STS: variants seen among roughly 807,000 people sequenced by gnomAD.
The protein encoded by STS is steryl-sulfatase.
Under a neutral mutation model 26.8 loss-of-function variants are expected in STS, and 7 were observed. That is an observed-to-expected ratio of 0.26 (90% CI 0.15 to 0.49). The LOEUF (loss-of-function observed/expected upper bound fraction) is 0.49, where lower values mean the gene tolerates loss of function less well. Ranked by LOEUF, STS falls within the 20% of genes least tolerant of loss-of-function variation. STS has a pLI of 0.98. For missense variants in STS, 434 were observed against 465.6 expected (o/e 0.93, Z 0.63); for synonymous variants, 199 against 189.4 (o/e 1.05, Z -0.42).
chrX:7,196,990 C>T (rs950529452), intron 2 of STS, among the ~76,000 whole-genome samples: 11 of 110,923 alleles, frequency 9.9e-5, no homozygotes, highest in African/African-American at 3.6e-4. Flanking sequence ...CCATTGTCTG[C>T]CTCCTACCTT....
intron 7 of STS, 105 bp from the exon 8 acceptor site, chrX:7,304,941 G>A (rs746173177): frequency 2.8e-5 from 27 of 978,627 alleles, no homozygotes; most frequent in African/African-American, 5.7e-5. Context: ...ATGTAAGAAC[G>A]TTTACTTCCA....
At chrX:7,329,118 G>A (rs1338857165) in intron 9 of STS, among the ~76,000 whole-genome samples, 5 of 112,464 alleles carry the variant, frequency 4.4e-5, no homozygotes, top group Non-Finnish European at 7.5e-5. Flanking sequence ...ACAGAAATGT[G>A]CTTCCAAGTG....
intron 2 of STS, chrX:7,252,278 C>T: frequency 1.3e-6 from 1 of 753,216 alleles, no homozygotes; most frequent in African/African-American, 2.3e-5. Flanking sequence ...GGCTGTGAAC[C>T]AGTTGCTGGG....
chrX:7,322,350 A>T (rs1305453919), intron 8 of STS, among the ~76,000 whole-genome samples: 1 of 111,771 alleles, frequency 8.9e-6, no homozygotes, highest in Non-Finnish European at 1.9e-5. Flanking sequence ...GGATCGGACA[A>T]CGGAGGCCTT....
chrX:7,335,390 G>T (rs1239964742), intron 10 of STS, among the ~76,000 whole-genome samples: 2 of 112,236 alleles, frequency 1.8e-5, no homozygotes, highest in East Asian at 2.8e-4. Flanking sequence ...GTGTCTGTTG[G>T]CTGCATAAAT....
intron 2 of STS, among the ~76,000 whole-genome samples, chrX:7,218,204 A>G (rs1256488885): frequency 8.9e-6 from 1 of 112,547 alleles, no homozygotes; most frequent in African/African-American, 3.2e-5. Context: ...ATCACATTAG[A>G]AAGCAGGGTA....
intron 6 of STS, among the ~76,000 whole-genome samples, chrX:7,269,128 A>G (rs1351190788): frequency 9.8e-6 from 1 of 101,704 alleles, no homozygotes; most frequent in Non-Finnish European, 2.0e-5. Context: ...TCCAGCCTGC[A>G]CAACAGAGCA....
chrX:7,288,962 C>T (rs747137361), intron 7 of STS, among the ~76,000 whole-genome samples: 15 of 111,498 alleles, frequency 1.3e-4, no homozygotes, highest in African/African-American at 4.6e-4. Flanking sequence ...GCTAGATCCA[C>T]CCTTGAGTGG....
At chrX:7,273,181 C>T (rs1027127058) in intron 6 of STS, among the ~76,000 whole-genome samples, 1 of 111,343 alleles carries the variant, frequency 9.0e-6, no homozygotes, top group African/African-American at 3.3e-5. Context: ...AAATAAGCTC[C>T]AGACCCTACA....
At chrX:7,279,840 G>A (rs994980282) in intron 7 of STS, among the ~76,000 whole-genome samples, 1 of 110,927 alleles carries the variant, frequency 9.0e-6, no homozygotes, top group Non-Finnish European at 1.9e-5. Flanking sequence ...CAGTTTCTGA[G>A]TCCCAGCATC....
intron 7 of STS, among the ~76,000 whole-genome samples, chrX:7,299,231 TA>T (rs780827659): frequency 0.031 from 3,020 of 96,110 alleles, 78 homozygotes; most frequent in African/African-American, 0.076. Context: ...TTTATATAAT[TA>T]TATATAATTA....
At chrX:7,308,313 C>T (rs1365134032) in intron 8 of STS, among the ~76,000 whole-genome samples, 3 of 112,108 alleles carry the variant, frequency 2.7e-5, no homozygotes, top group Non-Finnish European at 3.8e-5. Context: ...GAGGAGGAGA[C>T]GTGTACATCA....
intron 3 of STS, among the ~76,000 whole-genome samples, chrX:7,253,636 C>T (rs1445391180): frequency 8.9e-6 from 1 of 111,810 alleles, no homozygotes; most frequent in Non-Finnish European, 1.9e-5. Flanking sequence ...ATTTCCATCC[C>T]TTTTGTTCAC....
intron 6 of STS, among the ~76,000 whole-genome samples, chrX:7,273,361 G>A (rs977995140): frequency 4.5e-5 from 5 of 111,395 alleles, no homozygotes; most frequent in Non-Finnish European, 9.4e-5. Flanking sequence ...TCTTCCCCAA[G>A]GCAAGTTATA....
chrX:7,218,517 T>A (rs190261540), intron 2 of STS, among the ~76,000 whole-genome samples: 1 of 112,390 alleles, frequency 8.9e-6, no homozygotes, highest in Non-Finnish European at 1.9e-5. Context: ...ACTTTTAACA[T>A]CTATGTAATG....
At chrX:7,329,063 G>C (rs1482698095) in intron 9 of STS, among the ~76,000 whole-genome samples, 2 of 111,991 alleles carry the variant, frequency 1.8e-5, no homozygotes, top group Non-Finnish European at 3.8e-5. Flanking sequence ...TACTAGTCCA[G>C]CTGTAAAATG....
intron 2 of STS, among the ~76,000 whole-genome samples, chrX:7,217,147 G>T (rs781012354): frequency 9.0e-6 from 1 of 111,429 alleles, no homozygotes; most frequent in Non-Finnish European, 1.9e-5. Context: ...CAGGATTCTA[G>T]CATAAGGCCA....
chrX:7,178,315 C>T (rs1051515302), intron 1 of STS, among the ~76,000 whole-genome samples: 2 of 112,192 alleles, frequency 1.8e-5, no homozygotes, highest in African/African-American at 6.5e-5. Context: ...CTGAGATGCG[C>T]TACCTCTCTG....
At chrX:7,297,273 T>A (rs1925709898) in intron 7 of STS, among the ~76,000 whole-genome samples, 1 of 108,917 alleles carries the variant, frequency 9.2e-6, no homozygotes, top group Non-Finnish European at 1.9e-5. Flanking sequence ...TTTTTTTTTT[T>A]AGAAATTCTC....
Sources: gnomAD v4.1 joint callset for allele counts (sites outside exome capture counted in the v4.1 genomes callset) on GRCh38, gnomAD v4.1.1 for gene constraint, MANE v1.5 for transcripts, NCBI Gene and HGNC (gene_info 2026-07-23, HGNC 2026-07-21) for gene names.